Variants in NALF1 observed in about 807,000 individuals in gnomAD.
The protein encoded by NALF1 is family with sequence similarity 155 member A.
In NALF1, 3 loss-of-function variants were observed where a neutral mutation model predicts 48.4. The ratio of observed to expected loss-of-function variants is 0.06; its 90% confidence interval spans 0.03 to 0.16. The LOEUF (loss-of-function observed/expected upper bound fraction) is 0.16, where lower values mean the gene tolerates loss of function less well. Ranked by LOEUF, NALF1 falls within the 10% of genes least tolerant of loss-of-function variation. NALF1 has a pLI of 1.00. For missense variants in NALF1, 526 were observed against 571.5 expected (o/e 0.92, Z 0.81); for synonymous variants, 262 against 245.7 (o/e 1.07, Z -0.62).
chr13:107,548,092 C>T (rs1877182342), intron 1 of NALF1, among the ~76,000 whole-genome samples: 1 of 151,922 alleles, frequency 6.6e-6, no homozygotes, highest in African/African-American at 2.4e-5. Context: ...ACCCAATATC[C>T]AATAGTTATT....
chr13:107,518,485 A>ATTGTT (rs969327910), intron 1 of NALF1, among the ~76,000 whole-genome samples: 3 of 151,896 alleles, frequency 2.0e-5, no homozygotes, highest in African/African-American at 7.3e-5. Context: ...GGAGATAAAT[A>ATTGTT]TTGTTTTTCA....
At chr13:107,637,057 T>C (rs1345292684) in intron 1 of NALF1, among the ~76,000 whole-genome samples, 2 of 151,896 alleles carry the variant, frequency 1.3e-5, no homozygotes, top group East Asian at 1.9e-4. Context: ...TACAGTAAGA[T>C]GCTATACAGA....
chr13:107,457,857 C>T (rs188906877), intron 1 of NALF1, among the ~76,000 whole-genome samples: 153 of 152,300 alleles, frequency 1.0e-3, no homozygotes, highest in Admixed American at 8.4e-3. Flanking sequence ...TGCAACTACA[C>T]AAGAGCTGCT....
chr13:107,438,685 G>T (rs2139023895), intron 1 of NALF1, among the ~76,000 whole-genome samples: 1 of 151,736 alleles, frequency 6.6e-6, no homozygotes, highest in East Asian at 1.9e-4. Flanking sequence ...GCCAGGTGTG[G>T]TTGGTGGTGG....
chr13:107,859,281 A>T (rs1178381075), intron 1 of NALF1, among the ~76,000 whole-genome samples: 5 of 152,208 alleles, frequency 3.3e-5, no homozygotes, highest in Admixed American at 1.3e-4. Flanking sequence ...TTCCGAAGAA[A>T]TGATTATTGC....
chr13:107,234,415 T>C (rs1035010050), intron 1 of NALF1, among the ~76,000 whole-genome samples: 1 of 152,190 alleles, frequency 6.6e-6, no homozygotes, highest in Non-Finnish European at 1.5e-5. Flanking sequence ...CATGAAGGGA[T>C]ACGTGTCCTT....
At chr13:107,491,737 C>T (rs1026714363) in intron 1 of NALF1, among the ~76,000 whole-genome samples, 1 of 152,236 alleles carries the variant, frequency 6.6e-6, no homozygotes, top group African/African-American at 2.4e-5. Flanking sequence ...CCAACACTCT[C>T]GCTCTTTGCA....
intron 1 of NALF1, among the ~76,000 whole-genome samples, chr13:107,632,336 T>G (rs748577832): frequency 2.6e-5 from 4 of 152,170 alleles, no homozygotes; most frequent in Non-Finnish European, 5.9e-5. Flanking sequence ...TGCTTCTGGA[T>G]TCTGGTTTCT....
At chr13:107,180,747 G>A (rs1879044081) in intron 2 of NALF1, among the ~76,000 whole-genome samples, 1 of 151,468 alleles carries the variant, frequency 6.6e-6, no homozygotes, top group South Asian at 2.1e-4. Flanking sequence ...TTTACATCTG[G>A]CATGTTTATT....
At chr13:107,200,447 C>T (rs187748212) in intron 2 of NALF1, among the ~76,000 whole-genome samples, 169 of 152,192 alleles carry the variant, frequency 1.1e-3, no homozygotes, top group African/African-American at 3.7e-3. Context: ...GGACTTCGAG[C>T]GAGGGGCATG....
At chr13:107,754,370 C>CAT (rs1388506707) in intron 1 of NALF1, among the ~76,000 whole-genome samples, 1 of 146,328 alleles carries the variant, frequency 6.8e-6, no homozygotes, top group Non-Finnish European at 1.5e-5. Flanking sequence ...CACACACACA[C>CAT]ACACACACAC....
intron 1 of NALF1, among the ~76,000 whole-genome samples, chr13:107,422,629 C>A (rs563392398): frequency 6.6e-6 from 1 of 152,200 alleles, no homozygotes; most frequent in South Asian, 2.1e-4. Context: ...TGGCTCCCCG[C>A]AAAAGCCACT....
intron 1 of NALF1, among the ~76,000 whole-genome samples, chr13:107,215,218 A>T (rs1006956123): frequency 6.6e-6 from 1 of 152,228 alleles, no homozygotes; most frequent in Non-Finnish European, 1.5e-5. Context: ...TTCGGAAGGT[A>T]TCACTTGAGT....
chr13:107,454,731 C>G (rs1037491016), intron 1 of NALF1, among the ~76,000 whole-genome samples: 3 of 152,054 alleles, frequency 2.0e-5, no homozygotes, highest in Non-Finnish European at 4.4e-5. Flanking sequence ...AAATACTGAG[C>G]CTGTGTTTTG....
chr13:107,275,336 A>C (rs1318824508), intron 1 of NALF1, among the ~76,000 whole-genome samples: 1 of 152,142 alleles, frequency 6.6e-6, no homozygotes, highest in Non-Finnish European at 1.5e-5. Context: ...TATGTATCTC[A>C]TCTCCAAGGT....
intron 1 of NALF1, among the ~76,000 whole-genome samples, chr13:107,659,141 A>ACACACACACACACACG (rs1172547643): frequency 6.6e-6 from 1 of 151,596 alleles, no homozygotes; most frequent in East Asian, 1.9e-4. Context: ...ACACACACAC[A>ACACACACACACACACG]CACGCACTCA....
intron 1 of NALF1, among the ~76,000 whole-genome samples, chr13:107,857,090 C>A (rs1276969489): frequency 6.6e-6 from 1 of 152,232 alleles, no homozygotes. Context: ...TGTGTCTTCT[C>A]TATCTCAGGG....
At chr13:107,390,395 T>C (rs1231282844) in intron 1 of NALF1, among the ~76,000 whole-genome samples, 1 of 151,932 alleles carries the variant, frequency 6.6e-6, no homozygotes, top group African/African-American at 2.4e-5. Context: ...TAAAAATACC[T>C]TTCCTTTTTG....
intron 2 of NALF1, among the ~76,000 whole-genome samples, chr13:107,195,555 C>T (rs1003953162): frequency 1.3e-5 from 2 of 152,188 alleles, no homozygotes; most frequent in African/African-American, 4.8e-5. Context: ...TCTCTGCCTC[C>T]TCTATACTTT....
Sources: allele counts gnomAD v4.1 joint callset (sites outside exome capture counted in the v4.1 genomes callset), GRCh38; gene constraint gnomAD v4.1.1; transcripts MANE v1.5; gene names NCBI Gene and HGNC (gene_info 2026-07-23, HGNC 2026-07-21).